SLC25A30: variants seen among roughly 807,000 people sequenced by gnomAD.
SLC25A30 encodes the protein solute carrier family 25 member 30.
SLC25A30 carries 29 observed loss-of-function variants against 42.7 expected under a neutral mutation model. The ratio of observed to expected loss-of-function variants is 0.68; its 90% CI spans 0.51 to 0.93. SLC25A30 has a LOEUF of 0.93. Among genes scored for constraint, SLC25A30 ranks in the 40% least tolerant of loss-of-function variants. The probability of loss-of-function intolerance (pLI) is 0.00; values close to 1 mark genes in which losing one functional copy is unlikely to be tolerated. For missense variants in SLC25A30, 300 were observed against 359.7 expected (o/e 0.83, Z 1.34); for synonymous variants, 124 against 131.0 (o/e 0.95, Z 0.37).
At chr13:45,397,031 G>T in intron 9 of SLC25A30, 2 of 498,556 alleles carry the variant, frequency 4.0e-6, no homozygotes, top group South Asian at 5.0e-5. Context: ...AACCTTTTTA[G>T]TAGTATCACT....
chr13:45,409,213 G>A, intron 2 of SLC25A30, 139 bp from the exon 3 acceptor site: 1 of 620,518 alleles, frequency 1.6e-6, no homozygotes. Context: ...TTGCAATCTT[G>A]TTTATATTTT....
chr13:45,424,430 T>TATAA, the SLC25A30 span, among the ~76,000 whole-genome samples: 8 of 59,532 alleles, frequency 1.3e-4, no homozygotes, highest in African/African-American at 6.4e-4. Context: ...TATATGAATA[T>TATAA]ATATATAAAT....
rs1881173870 is a variant in SLC25A30 at position 45,394,510 on chromosome 13, G to T, written c.*1464C>A. The T allele has an allele frequency of 4.1e-6, 4 of 985,214 alleles. No homozygotes were observed. Among genetic ancestry groups the T allele is most frequent in the Non-Finnish European group, 4.8e-6 (4 of 829,918 alleles). 61.0% of individuals were successfully genotyped at this position (985,214 alleles called of 1,614,324 possible). A position where few individuals can be genotyped will look rare whatever the true frequency, so the allele number is the denominator to read the frequency against. ...CCCCAGCTAACATGTATTTAATGTT[G>T]TTCTCAAAGGGGGAACTGAAGAGAC... On this transcript the variant is annotated 3_prime_UTR_variant, in exon 10 of 10. Transcript: ENST00000519676.
Position 45,397,519 on chromosome 13 carries a change from T to A in SLC25A30, c.754-181A>T, listed in dbSNP as rs552035646. On this transcript the variant is annotated intron_variant, in intron 8 of 9. Coordinates refer to ENST00000519676, the MANE Select transcript of SLC25A30 (RefSeq NM_001010875.4). ...CATCCTGGCTAATGCAGTGAAACCCTGTCTCTACTAAAAATACAAAAAAAA... is the reference window on the plus strand; with the variant it reads ...CATCCTGGCTAATGCAGTGAAACCCAGTCTCTACTAAAAATACAAAAAAAA... 3.4e-5 allele frequency: 16 copies of A among 465,018 alleles called. No individual in the cohort carries two copies. In the East Asian group the frequency reaches 5.8e-4, roughly 17 times the overall value. The allele number at this position is 465,018 out of a possible 1,614,324, so 28.8% of individuals were successfully genotyped here.
At chr13:45,433,595 A>G in the SLC25A30 span, among the ~76,000 whole-genome samples, 1 of 152,216 alleles carries the variant, frequency 6.6e-6, no homozygotes. Flanking sequence ...TCTGATAAAG[A>G]GCATACATGA....
chr13:45,425,773 G>A, the SLC25A30 span, among the ~76,000 whole-genome samples: 95 of 144,330 alleles, frequency 6.6e-4, no homozygotes, highest in Non-Finnish European at 9.3e-4. Flanking sequence ...GCTCACTGCC[G>A]TCTCCACCTC....
At chr13:45,402,973 G>T (rs1241434008) in intron 5 of SLC25A30, 1 of 237,824 alleles carries the variant, frequency 4.2e-6, no homozygotes. Context: ...GCATTTTTAA[G>T]AATGAAGAAA....
At chr13:45,396,837 G>GTAGAT in intron 9 of SLC25A30, 2 of 173,040 alleles carry the variant, frequency 1.2e-5, no homozygotes, top group Admixed American at 6.3e-5. Context: ...TAGGAAGCGT[G>GTAGAT]CTGGCCTGCC....
At chr13:45,424,171 A>C in the SLC25A30 span, among the ~76,000 whole-genome samples, 1 of 99,886 alleles carries the variant, frequency 1.0e-5, no homozygotes, top group South Asian at 3.5e-4. Flanking sequence ...AAATATATCA[A>C]TATATATAAA....
chr13:45,411,575 A>AGCAC, intron 1 of SLC25A30, 95 bp from the exon 2 acceptor site: 2 of 755,230 alleles, frequency 2.6e-6, no homozygotes, highest in Non-Finnish European at 4.5e-6. Flanking sequence ...GGAGAGTGCT[A>AGCAC]TCACCAAAAC....
intron 4 of SLC25A30, among the ~76,000 whole-genome samples, chr13:45,405,451 A>G (rs1030939815): frequency 6.6e-6 from 1 of 152,200 alleles, no homozygotes; most frequent in Non-Finnish European, 1.5e-5. Context: ...TTGTGAAAAG[A>G]GATGAAGATG....
intron 1 of SLC25A30, among the ~76,000 whole-genome samples, chr13:45,416,438 C>CA (rs767863503): frequency 4.0e-5 from 6 of 150,794 alleles, no homozygotes; most frequent in Admixed American, 6.6e-5. Context: ...TAAATAAATA[C>CA]AAAAAAAAGT....
At chr13:45,399,460 C>T (rs533765984) in intron 7 of SLC25A30, among the ~76,000 whole-genome samples, 3 of 152,286 alleles carry the variant, frequency 2.0e-5, no homozygotes, top group East Asian at 1.9e-4. Flanking sequence ...CTGCCCACCT[C>T]GGCCTCCCAA....
In SLC25A30 at chr13:45,395,961, C is replaced by A; in HGVS notation, c.*13G>T. On this transcript the variant is annotated 3_prime_UTR_variant, in exon 10 of 10. Coordinates refer to ENST00000519676, the MANE Select transcript of SLC25A30 (RefSeq NM_001010875.4). ...ACCATTTTCAGAAAGATGTCTCATG[C>A]AGCCTTGGCTTGTCACAAATCCAAT... The A allele has an allele frequency of 6.2e-7, 1 of 1,614,174 alleles. No homozygotes were observed. The highest frequency in any genetic ancestry group is 8.5e-7 in the Non-Finnish European group (1 of 1,180,018).
intron 2 of SLC25A30, among the ~76,000 whole-genome samples, chr13:45,409,670 G>T (rs373539508): frequency 6.6e-6 from 1 of 151,994 alleles, no homozygotes; most frequent in African/African-American, 2.4e-5. Context: ...TTAGCTGGGC[G>T]TGGTGGCAGG....
upstream of SLC25A30, among the ~76,000 whole-genome samples, chr13:45,423,172 G>C (rs1039000665): frequency 2.0e-5 from 3 of 152,010 alleles, no homozygotes; most frequent in Non-Finnish European, 2.9e-5. Context: ...TCTATAATTT[G>C]AGAGTTGGCA....
chr13:45,396,778 CA>C (rs551638171), intron 9 of SLC25A30: 24 of 158,802 alleles, frequency 1.5e-4, no homozygotes, highest in South Asian at 9.2e-4. Context: ...GTCTCAAAAA[CA>C]AAAAAAAAGT....
At chr13:45,427,038 T>C in the SLC25A30 span, among the ~76,000 whole-genome samples, 1 of 152,012 alleles carries the variant, frequency 6.6e-6, no homozygotes, top group African/African-American at 2.4e-5. Flanking sequence ...CCAGCTCAGA[T>C]GAGCTTGGTA....
chr13:45,431,867 C>T, the SLC25A30 span, among the ~76,000 whole-genome samples: 5 of 152,154 alleles, frequency 3.3e-5, no homozygotes, highest in African/African-American at 1.2e-4. Flanking sequence ...TAGTAAATGT[C>T]ACCATCAGCT....
Sources: allele counts gnomAD v4.1 joint callset (sites outside exome capture counted in the v4.1 genomes callset), GRCh38; gene constraint gnomAD v4.1.1; transcripts MANE v1.5; gene names NCBI Gene and HGNC (gene_info 2026-07-23, HGNC 2026-07-21).